Variants in IFT122 observed in about 807,000 individuals in gnomAD.
IFT122 encodes the protein intraflagellar transport 122, also known as intraflagellar transport protein 122 homolog.
IFT122 carries 118 observed loss-of-function variants against 161.6 expected under a neutral mutation model. The observed-to-expected ratio is 0.73, with a 90% CI of 0.63 to 0.85. The LOEUF (loss-of-function observed/expected upper bound fraction) is 0.85. Ranked by LOEUF, IFT122 falls within the 40% of genes least tolerant of loss-of-function variation. The pLI, the probability that IFT122 is intolerant of heterozygous loss-of-function variation, is 0.00. For synonymous variants in IFT122, 550 were observed against 602.4 expected (o/e 0.91, Z 1.27); for missense variants, 1,381 against 1,579.6 (o/e 0.87, Z 2.13).
At chr3:129,507,413 T>G (rs2082298335) in intron 22 of IFT122, among the ~76,000 whole-genome samples, 1 of 152,154 alleles carries the variant, frequency 6.6e-6, no homozygotes, top group Non-Finnish European at 1.5e-5. Context: ...CAGTGAGAGA[T>G]CTGGAAAAAA....
chr3:129,495,395 C>T lies in IFT122; in HGVS notation c.2047-51C>T, dbSNP rs538076417. The T allele has an allele frequency of 5.0e-6, 8 of 1,609,090 alleles. No homozygotes were observed. In the Admixed American group the frequency reaches 1.2e-4, roughly 24 times the overall value. On this transcript the variant is annotated intron_variant, in intron 17 of 29. Coordinates refer to ENST00000348417, the MANE Select transcript of IFT122 (RefSeq NM_052989.3). ...CCACATCTAACCTTTGTAAAGGCTG[C>T]TTCCTGCCCATGGCTGCAGAGGCCA...
chr3:129,516,286 GCACA>G (rs375077150), intron 26 of IFT122, among the ~76,000 whole-genome samples: 2,919 of 88,970 alleles, frequency 0.033, 168 homozygotes, highest in African/African-American at 0.14. Context: ...GATTGCTCCT[GCACA>G]CACACACACA....
chr3:129,519,492 C>T (rs994721085), intron 28 of IFT122, 76 bp from the exon 29 acceptor site: 7 of 1,588,184 alleles, frequency 4.4e-6, no homozygotes, highest in Admixed American at 1.7e-5. Context: ...GCCAAAGATT[C>T]CAGGATCATA....
chr3:129,452,709 A>G (rs1010720751), intron 3 of IFT122, among the ~76,000 whole-genome samples: 3 of 152,212 alleles, frequency 2.0e-5, no homozygotes, highest in African/African-American at 7.2e-5. Context: ...TCAAAATGGA[A>G]CTACTGAAAG....
chr3:129,484,728 A>G (rs1444194609), intron 15 of IFT122, among the ~76,000 whole-genome samples: 4 of 152,200 alleles, frequency 2.6e-5, no homozygotes, highest in African/African-American at 4.8e-5. Flanking sequence ...TTTTCACTCA[A>G]CAATCTCCTA....
chr3:129,483,511 GA>G lies in IFT122; in HGVS notation c.1682del (p.Asn561ThrfsTer94). On this transcript the variant is annotated frameshift_variant, in exon 15 of 30. Transcript: ENST00000348417. LOFTEE classifies it high-confidence loss of function. ...QEPNANSVAW[N>X]TQCEDMLCFS... ...AACCAAACGCCAACAGTGTAGCTTG[GA>G]ACACCCAGTGTGAGGACATGCTCTG... The G allele has an allele frequency of 6.2e-7, 1 of 1,613,940 alleles. No homozygotes were observed. The highest frequency in any genetic ancestry group is 8.5e-7 in the Non-Finnish European group (1 of 1,179,992).
intron 1 of IFT122, among the ~76,000 whole-genome samples, chr3:129,448,050 A>G (rs1189819546): frequency 6.6e-6 from 1 of 152,152 alleles, no homozygotes; most frequent in African/African-American, 2.4e-5. Context: ...TTTGCCTGAA[A>G]TGTCCTTTAC....
intron 27 of IFT122, 66 bp downstream of exon 27, chr3:129,517,660 G>T (rs1394167895): frequency 9.4e-6 from 15 of 1,589,478 alleles, no homozygotes; most frequent in Non-Finnish European, 1.2e-5. Context: ...CAGGCGGGAA[G>T]TAGGAGGGCC....
At chr3:129,507,963 C>G (rs2082359056) in intron 23 of IFT122, among the ~76,000 whole-genome samples, 1 of 152,244 alleles carries the variant, frequency 6.6e-6, no homozygotes, top group South Asian at 2.1e-4. Flanking sequence ...GCAGTGGGCT[C>G]CTGAATTGTG....
chr3:129,464,006 A>G (rs2076448483), intron 6 of IFT122, among the ~76,000 whole-genome samples: 1 of 152,202 alleles, frequency 6.6e-6, no homozygotes, highest in South Asian at 2.1e-4. Flanking sequence ...AGGCCATGTG[A>G]CCTCAGGAAA....
chr3:129,502,457 A>G (rs999251889), intron 19 of IFT122, among the ~76,000 whole-genome samples: 11 of 152,186 alleles, frequency 7.2e-5, no homozygotes, highest in African/African-American at 2.4e-4. Context: ...AATTGTTTCT[A>G]TACCCTGCTG....
intron 18 of IFT122, 146 bp from the exon 19 acceptor site, chr3:129,499,756 C>G: frequency 5.6e-6 from 5 of 887,602 alleles, no homozygotes. Context: ...ACTCCCCCAA[C>G]TCAGCCCCTC....
At position 129,515,547 on chromosome 3, in the gene IFT122, C is replaced by G. The variant is rs1009542554; in HGVS notation, c.3213C>G (p.Gly1071=). The change falls in exon 26 of 30, where the codon GGC becomes GGG. Residue 1071 remains glycine (G), a synonymous_variant. Coordinates refer to ENST00000348417, the MANE Select transcript of IFT122 (RefSeq NM_052989.3). The part of the protein sequence containing the change: ...STNNPLLNNL[G]NVCINCRQPF... ...ACAACCCGCTGCTCAACAACCTGGG[C>G]AACGTCTGCATCAACTGCCGCCAGC... 1 of 1,580,862 alleles carries G rather than the reference C, an allele frequency of 6.3e-7. No individual in the cohort carries two copies. The highest frequency in any genetic ancestry group is 1.4e-5 in the African/African-American group (1 of 73,204).
chr3:129,458,668 T>C lies in IFT122; in HGVS notation c.263T>C (p.Leu88Pro). 6.2e-7 allele frequency: 1 copy of C among 1,611,532 alleles called. No individual in the cohort carries two copies. Among genetic ancestry groups the C allele is most frequent in the Non-Finnish European group, 8.5e-7 (1 of 1,177,588 alleles). The change falls in exon 4 of 30, where the codon CTG (leucine) becomes CCG (proline). Residue 88 changes from leucine to proline, a missense_variant. By Grantham distance (98) the Leu-to-Pro change is moderately conservative. Coordinates refer to ENST00000348417, the MANE Select transcript of IFT122 (RefSeq NM_052989.3). Reference sequence around the variant, plus strand: ...TGGACATCAAAACTGGAAGGCATTCTGAAGTACACGTAAGTAACTTAGGTG... The same window carrying C: ...TGGACATCAAAACTGGAAGGCATTCCGAAGTACACGTAAGTAACTTAGGTG... ...IIWTSKLEGILKYTHNDAIQC... is the reference protein window; with the variant it reads ...IIWTSKLEGIPKYTHNDAIQC...
In IFT122 at chr3:129,473,599, A is replaced by G. The variant is rs568664908; in HGVS notation, c.817-2716A>G. ...CATCTCTGTGCAGTTCTTTAGCTGT[A>G]GCTAGGCTGCTTGGCATCTTGTCAC... On this transcript the variant is annotated intron_variant, in intron 9 of 29. Transcript: ENST00000348417. 2.0e-5 allele frequency among the ~76,000 whole-genome samples: 3 copies of G among 152,364 alleles called. No individual in the cohort carries two copies. The South Asian group carries it at 6.2e-4, about 32-fold the overall frequency.
At chr3:129,446,489 A>G (rs941069813) in intron 1 of IFT122, among the ~76,000 whole-genome samples, 9 of 152,122 alleles carry the variant, frequency 5.9e-5, no homozygotes. Context: ...TGCTGGGATT[A>G]CAGGCATGAG....
At position 129,502,776 on chromosome 3, in the gene IFT122, A is replaced by C. The variant is rs763054120; in HGVS notation, c.2441A>C (p.Tyr814Ser). ...GAGCCCCTGCTGCTGTGCGCTACCT[A>C]CCTCAAGAAGCTGGACAGCCCTGGC... ...EREPLLLCAT[Y>S]LKKLDSPGYA... The change falls in exon 20 of 30, where the codon TAC becomes TCC. Residue 814 changes from tyrosine to serine, a missense_variant. This residue lies in a region of IFT122 where 496 missense variants were observed against 502.5 expected (regional missense o/e 0.99). Transcript: ENST00000348417. 6.2e-6 allele frequency: 10 copies of C among 1,612,784 alleles called. No individual in the cohort carries two copies. The highest frequency in any genetic ancestry group is 1.6e-4 in the Middle Eastern group (1 of 6,084).
Position 129,514,559 on chromosome 3 carries a change from G to A in IFT122, c.3153+5G>A. 1 of 1,614,160 alleles carries A rather than the reference G, an allele frequency of 6.2e-7. No homozygotes were observed. The highest frequency in any genetic ancestry group is 1.3e-5 in the African/African-American group (1 of 75,056). On this transcript the variant is annotated splice_donor_5th_base_variant and intron_variant, in intron 25 of 29. Transcript: ENST00000348417. ...AAGCCCTTCCACGACAGTGAGGTGAGGATGCAGCACCCTTGGGCAGGTGGC... is the reference window on the plus strand; with the variant it reads ...AAGCCCTTCCACGACAGTGAGGTGAAGATGCAGCACCCTTGGGCAGGTGGC...
intron 1 of IFT122, among the ~76,000 whole-genome samples, chr3:129,447,117 A>G (rs1315920695): frequency 6.6e-6 from 1 of 152,178 alleles, no homozygotes; most frequent in Non-Finnish European, 1.5e-5. Flanking sequence ...TATTTTGATT[A>G]CTTGTGTTGG....
Sources: gnomAD v4.1 joint callset for allele counts (sites outside exome capture counted in the v4.1 genomes callset) on GRCh38, gnomAD v4.1.1 for gene constraint, gnomAD v4.1.1 regional missense constraint, MANE v1.5 for transcripts, NCBI Gene and HGNC (gene_info 2026-07-23, HGNC 2026-07-21) for gene names.